TTLL12: variants seen among roughly 807,000 people sequenced by gnomAD.
TTLL12 encodes the protein tubulin--tyrosine ligase-like protein 12.
A neutral mutation model predicts 79.6 loss-of-function variants in TTLL12; 77 were observed. That is an observed-to-expected ratio of 0.97 (90% confidence interval 0.81 to 1.17). The LOEUF is 1.17. Among genes scored for constraint, TTLL12 ranks in the 50% most tolerant of loss-of-function variants. TTLL12 has a pLI of 0.00. For missense variants in TTLL12, 969 were observed against 895.9 expected, an observed-to-expected ratio of 1.08 and a Z score of -1.04; for synonymous variants, 437 against 376.1, an observed-to-expected ratio of 1.16 and a Z score of -1.87.
intron 6 of TTLL12, among the ~76,000 whole-genome samples, chr22:43,175,021 T>C (rs1477083927): frequency 6.6e-6 from 1 of 151,954 alleles, no homozygotes; most frequent in Non-Finnish European, 1.5e-5. Context: ...CCAGAGGAGG[T>C]GGAGGGACCT....
intron 9 of TTLL12, among the ~76,000 whole-genome samples, chr22:43,173,285 T>C (rs1931812058): frequency 6.6e-6 from 1 of 152,106 alleles, no homozygotes; most frequent in Non-Finnish European, 1.5e-5. Flanking sequence ...CACTATGTGG[T>C]AGGAACTTTG....
At chr22:43,178,606 C>T (rs1307816455) in intron 5 of TTLL12, among the ~76,000 whole-genome samples, 1 of 152,200 alleles carries the variant, frequency 6.6e-6, no homozygotes, top group African/African-American at 2.4e-5. Flanking sequence ...CAGGCATGAG[C>T]CCCCACGCCC....
chr22:43,185,896 A>G (rs1203856790), intron 1 of TTLL12: 2 of 930,140 alleles, frequency 2.2e-6, no homozygotes, highest in Non-Finnish European at 1.3e-6. Flanking sequence ...CTCGGAAAGC[A>G]TATGGCAGAA....
chr22:43,168,683 C>A (rs965055119), intron 13 of TTLL12, 91 bp downstream of exon 13: 2 of 1,511,360 alleles, frequency 1.3e-6, no homozygotes, highest in Non-Finnish European at 1.8e-6. Flanking sequence ...AGAGGACAGC[C>A]TGGGGCAGCT....
At chr22:43,185,962 T>G in intron 1 of TTLL12, 1 of 985,402 alleles carries the variant, frequency 1.0e-6, no homozygotes. Flanking sequence ...TGCCACTCAC[T>G]GCACGTTTCC....
rs749984294 is a variant in TTLL12, at chr22:43,176,294, C to G, written c.917+26G>C. The G allele has an allele frequency of 3.9e-6, 6 of 1,542,294 alleles. No homozygotes were observed. In the African/African-American group the frequency reaches 8.3e-5, roughly 21 times the overall value. On this transcript the variant is annotated intron_variant, in intron 6 of 13. Coordinates refer to ENST00000216129, the MANE Select transcript of TTLL12 (RefSeq NM_015140.4). ...GCGGGGACTGCGGACAAGTCCCAGCCCAAGCAGTGGGGGGGGGCTACGCAC... is the reference window on the plus strand; with the variant it reads ...GCGGGGACTGCGGACAAGTCCCAGCGCAAGCAGTGGGGGGGGGCTACGCAC...
chr22:43,176,719 G>C lies in TTLL12; in HGVS notation c.841-323C>G, dbSNP rs1601771946. On this transcript the variant is annotated intron_variant, in intron 5 of 13. Coordinates refer to ENST00000216129, the MANE Select transcript of TTLL12 (RefSeq NM_015140.4). Reference sequence around the variant, plus strand: ...CACTCCAGCCTGGGAGAGAGTGTGAGACTACATCTCAAAAAAAAAAAAAAA... The same window carrying C: ...CACTCCAGCCTGGGAGAGAGTGTGACACTACATCTCAAAAAAAAAAAAAAA... Among the ~76,000 whole-genome samples, 5 of 110,018 alleles carry C rather than the reference G, an allele frequency of 4.5e-5. No individual in the cohort carries two copies. The South Asian group carries it at 1.7e-3, about 37-fold the overall frequency. 72.2% of individuals were successfully genotyped at this position (110,018 alleles called of 152,430 possible). A position where few individuals can be genotyped will look rare whatever the true frequency, so the allele number is the denominator to read the frequency against.
intron 1 of TTLL12, among the ~76,000 whole-genome samples, 190 bp downstream of exon 1, chr22:43,186,703 C>A (rs1225795079): frequency 6.6e-6 from 1 of 152,168 alleles, no homozygotes; most frequent in Non-Finnish European, 1.5e-5. Flanking sequence ...ATCAGGGCCG[C>A]AGGTACCCCG....
At position 43,179,754 on chromosome 22, in the gene TTLL12, T is replaced by C. The variant is rs113603552; in HGVS notation, c.707-2A>G. On this transcript the variant is annotated splice_acceptor_variant, in intron 4 of 13. Coordinates refer to ENST00000216129, the MANE Select transcript of TTLL12 (RefSeq NM_015140.4). LOFTEE classifies it high-confidence loss of function. ...AGGCAAAGTCTCGGGTCACCTCCTC[T>C]GTGCCAAGACATGAGTGCCCATCAG... The C allele has an allele frequency of 1.3e-6, 2 of 1,561,866 alleles. No individual in the cohort carries two copies. Among genetic ancestry groups the C allele is most frequent in the Non-Finnish European group, 1.7e-6 (2 of 1,152,360 alleles).
At position 43,168,763 on chromosome 22, in the gene TTLL12, G is replaced by A. The variant is rs936026675; in HGVS notation, c.1783+11C>T. On this transcript the variant is annotated intron_variant, in intron 13 of 13. Coordinates refer to ENST00000216129, the MANE Select transcript of TTLL12 (RefSeq NM_015140.4). ...GCTGGTTTGGATCAGGAGATGGGGA[G>A]CCCCTCTTACCATCTGGGCCGTTGT... 1.9e-6 allele frequency: 3 copies of A among 1,551,590 alleles called. No individual in the cohort carries two copies. The highest frequency in any genetic ancestry group is 2.6e-6 in the Non-Finnish European group (3 of 1,148,424).
chr22:43,183,379 C>T (rs764584674), intron 1 of TTLL12, among the ~76,000 whole-genome samples: 2 of 152,226 alleles, frequency 1.3e-5, no homozygotes, highest in African/African-American at 2.4e-5. Flanking sequence ...CCCACCGTCA[C>T]CTGAGCTGTC....
In TTLL12 at chr22:43,186,975, G is replaced by C; in HGVS notation, c.95C>G (p.Ala32Gly). 2 of 1,311,454 alleles carry C rather than the reference G, an allele frequency of 1.5e-6. No individual in the cohort carries two copies. Among genetic ancestry groups the C allele is most frequent in the Non-Finnish European group, 1.9e-6 (2 of 1,027,226 alleles). The allele number at this position is 1,311,454 out of a possible 1,614,324, so 81.2% of individuals were successfully genotyped here. Residue 32 changes from alanine (A) to glycine (G), a missense_variant, in exon 1 of 14, where the codon GCG becomes GGG. Physicochemically the swap from Ala to Gly is moderately conservative, Grantham distance 60. Coordinates refer to ENST00000216129, the MANE Select transcript of TTLL12 (RefSeq NM_015140.4). ...GCGCAGCGCCGGGCCGTGCAGCGCC[G>C]CGAACTCGGCCAAGGCCTGCGCGCC... Reference protein sequence around the residue: ...EEGAQALAEFAALHGPALRAS... With the variant: ...EEGAQALAEFGALHGPALRAS...
At chr22:43,180,387 TC>T (rs1932025205) in intron 3 of TTLL12, among the ~76,000 whole-genome samples, 1 of 152,118 alleles carries the variant, frequency 6.6e-6, no homozygotes, top group Non-Finnish European at 1.5e-5. Context: ...AGGTGTCTTT[TC>T]CCAAACTAAG....
rs778481013 is a variant in TTLL12, at chr22:43,180,894, G to A, written c.394C>T (p.Arg132Cys). The change falls in exon 3 of 14, where the codon CGC (arginine) becomes TGC (cysteine). Residue 132 changes from arginine (R) to cysteine (C), a missense_variant. By Grantham distance (180) the Arg-to-Cys change is radical (BLOSUM62 -3). Coordinates refer to ENST00000216129, the MANE Select transcript of TTLL12 (RefSeq NM_015140.4). ...HAWTCRVEHA[R>C]QQLQQVPGLL... ...CCGGGCACCTGCTGCAGCTGCTGGC[G>A]CGCGTGCTCCACACGGCACGTCCAG... The A allele has an allele frequency of 2.2e-5, 36 of 1,612,678 alleles. 1 individual carries two copies. The highest frequency in any genetic ancestry group is 2.1e-4 in the African/African-American group (16 of 74,948).
At chr22:43,184,860 G>C (rs1336494441) in intron 1 of TTLL12, among the ~76,000 whole-genome samples, 4 of 152,226 alleles carry the variant, frequency 2.6e-5, no homozygotes, top group African/African-American at 9.6e-5. Context: ...GGCAGGACTG[G>C]AAGAGCTCCC....
intron 1 of TTLL12, among the ~76,000 whole-genome samples, chr22:43,183,428 T>C (rs917192617): frequency 6.6e-6 from 1 of 152,242 alleles, no homozygotes; most frequent in Non-Finnish European, 1.5e-5. Context: ...TGCATGGAGA[T>C]GGGACCTTGA....
chr22:43,169,020 C>T (rs946626658), intron 12 of TTLL12, 108 bp from the exon 13 acceptor site: 25 of 1,397,056 alleles, frequency 1.8e-5, no homozygotes, highest in Non-Finnish European at 2.2e-5. Flanking sequence ...AAGTCACCCC[C>T]TCCCACATCT....
chr22:43,167,548 C>A lies in TTLL12; in HGVS notation c.*460G>T, dbSNP rs577118991. On this transcript the variant is annotated 3_prime_UTR_variant, in exon 14 of 14. Transcript: ENST00000216129. ...TCCTGATGCATAAGAGCAGAGACCC[C>A]GGAAGAGAAACCCGCCTGCCCCGTG... is the stretch of plus-strand genomic sequence containing the variant. The A allele has an allele frequency of 5.3e-6, 1 of 187,408 alleles. No homozygotes were observed. The highest frequency in any genetic ancestry group is 2.4e-5 in the African/African-American group (1 of 42,470). 11.6% of individuals were successfully genotyped at this position (187,408 alleles called of 1,614,324 possible).
Position 43,180,013 on chromosome 22 carries a change from C to T in TTLL12, c.547-13G>A. 2 of 1,566,504 alleles carry T rather than the reference C, an allele frequency of 1.3e-6. No homozygotes were observed. The highest frequency in any genetic ancestry group is 1.7e-6 in the Non-Finnish European group (2 of 1,156,490). Reference sequence around the variant, plus strand: ...TCTCCTCAGCTGTCTGCAGACAGAGCACATATGGCACCTCTCGCTCACCCA... The same window carrying T: ...TCTCCTCAGCTGTCTGCAGACAGAGTACATATGGCACCTCTCGCTCACCCA... On this transcript the variant is annotated splice_polypyrimidine_tract_variant and intron_variant, in intron 3 of 13. Transcript: ENST00000216129.
Sources: gnomAD v4.1 joint callset for allele counts (sites outside exome capture counted in the v4.1 genomes callset) on GRCh38, gnomAD v4.1.1 for gene constraint, MANE v1.5 for transcripts, NCBI Gene and HGNC (gene_info 2026-07-23, HGNC 2026-07-21) for gene names.